Variants in LINGO2 observed in about 807,000 individuals in gnomAD.
LINGO2 encodes leucine rich repeat and Ig domain containing 2.
In LINGO2, 14 loss-of-function variants were observed where a neutral mutation model predicts 30.6. The observed-to-expected ratio is 0.46, with a 90% CI of 0.30 to 0.72. LINGO2 has a LOEUF of 0.72. LINGO2 is among the 30% of genes least tolerant of loss of function. LINGO2 has a pLI of 0.07. For missense variants in LINGO2, 729 were observed against 751.7 expected (o/e 0.97, Z 0.35); for synonymous variants, 317 against 288.5 (o/e 1.10, Z -1.00).
the LINGO2 span, among the ~76,000 whole-genome samples, chr9:29,014,081 T>C: frequency 6.6e-6 from 1 of 152,174 alleles, no homozygotes; most frequent in Non-Finnish European, 1.5e-5. Context: ...TTCTGTTACT[T>C]ATTCAATTAA....
intron 1 of LINGO2, among the ~76,000 whole-genome samples, chr9:28,551,782 T>A (rs1822297719): frequency 6.6e-6 from 1 of 152,072 alleles, no homozygotes; most frequent in Non-Finnish European, 1.5e-5. Flanking sequence ...AAGATACAAA[T>A]CAAGCCTTTT....
chr9:28,224,416 T>A (rs7047377), intron 4 of LINGO2, among the ~76,000 whole-genome samples: 39,739 of 152,148 alleles, frequency 0.26, 5,565 homozygotes, highest in Admixed American at 0.31. Flanking sequence ...GTACATGTAG[T>A]ATTTTGATAC....
intron 4 of LINGO2, among the ~76,000 whole-genome samples, chr9:28,180,596 C>A (rs575334566): frequency 6.6e-6 from 1 of 152,146 alleles, no homozygotes; most frequent in Admixed American, 6.6e-5. Flanking sequence ...TTTATCCTCA[C>A]TCAGGGATGA....
chr9:27,997,268 G>A (rs993141429), intron 5 of LINGO2, among the ~76,000 whole-genome samples: 5 of 152,218 alleles, frequency 3.3e-5, no homozygotes, highest in African/African-American at 9.6e-5. Context: ...GACTTAAGAT[G>A]TGCACGTGCT....
rs543091707 is a variant in LINGO2, at chr9:28,362,043, A to G, written c.-246+10793T>C. On this transcript the variant is annotated intron_variant, in intron 3 of 5. Transcript: ENST00000379992. ...GTCTGAATCTGAATTTCCTAGGTGC[A>G]TAATACTTGCTAAAACATACAGATT... is the stretch of plus-strand genomic sequence containing the variant. Among the ~76,000 whole-genome samples, 24 of 152,234 alleles carry G rather than the reference A, an allele frequency of 1.6e-4. 1 individual carries two copies. Among genetic ancestry groups the G allele is most frequent in the Non-Finnish European group, 2.5e-4 (17 of 68,050 alleles).
intron 1 of LINGO2, among the ~76,000 whole-genome samples, chr9:28,640,719 C>T (rs934031329): frequency 9.9e-5 from 15 of 152,010 alleles, no homozygotes; most frequent in East Asian, 9.7e-4. Context: ...TTCTAGTTAG[C>T]GATTCGTCTA....
intron 4 of LINGO2, among the ~76,000 whole-genome samples, chr9:28,042,734 A>AGAAC (rs1327894385): frequency 6.6e-6 from 1 of 152,182 alleles, no homozygotes; most frequent in Non-Finnish European, 1.5e-5. Flanking sequence ...CATGTTCTGC[A>AGAAC]ATCAATATCA....
the LINGO2 span, among the ~76,000 whole-genome samples, chr9:28,788,918 A>T: frequency 3.3e-5 from 5 of 152,204 alleles, no homozygotes; most frequent in Non-Finnish European, 7.3e-5. Context: ...GTTTGGTTAC[A>T]ACATGCATTG....
At chr9:28,518,629 G>A (rs546596268) in intron 1 of LINGO2, among the ~76,000 whole-genome samples, 11 of 152,176 alleles carry the variant, frequency 7.2e-5, no homozygotes, top group Non-Finnish European at 1.2e-4. Flanking sequence ...CTGCACAGAC[G>A]GGCCTTATTA....
intron 5 of LINGO2, among the ~76,000 whole-genome samples, chr9:27,975,294 CT>C (rs1820542026): frequency 6.6e-6 from 1 of 151,436 alleles, no homozygotes; most frequent in Admixed American, 6.6e-5. Flanking sequence ...AAGTATCTTT[CT>C]TTTTAAAAGT....
chr9:29,045,904 A>G, the LINGO2 span, among the ~76,000 whole-genome samples: 3 of 151,978 alleles, frequency 2.0e-5, no homozygotes, highest in Non-Finnish European at 2.9e-5. Context: ...TCTTGTGTCA[A>G]TTGTGAATGG....
the LINGO2 span, among the ~76,000 whole-genome samples, chr9:29,083,655 T>A: frequency 2.0e-5 from 3 of 147,216 alleles, no homozygotes; most frequent in Non-Finnish European, 3.0e-5. Flanking sequence ...AAAAAAAAAA[T>A]AGCTGGGATG....
chr9:28,661,229 A>C (rs1828571209), intron 1 of LINGO2, among the ~76,000 whole-genome samples: 1 of 152,142 alleles, frequency 6.6e-6, no homozygotes, highest in South Asian at 2.1e-4. Context: ...AAATCCTGCT[A>C]TCCATTCTGT....
chr9:28,832,978 TAA>T, the LINGO2 span, among the ~76,000 whole-genome samples: 920 of 151,228 alleles, frequency 6.1e-3, 10 homozygotes, highest in African/African-American at 0.02. Context: ...TTTTTTGATG[TAA>T]AAAAAAAAAT....
At chr9:28,333,026 A>T (rs1263460214) in intron 3 of LINGO2, among the ~76,000 whole-genome samples, 1 of 152,220 alleles carries the variant, frequency 6.6e-6, no homozygotes, top group Non-Finnish European at 1.5e-5. Context: ...AGAGATATTT[A>T]TCTTTAATTT....
At chr9:28,492,984 T>C (rs1190501787) in intron 1 of LINGO2, among the ~76,000 whole-genome samples, 1 of 152,104 alleles carries the variant, frequency 6.6e-6, no homozygotes. Flanking sequence ...GTACAAATAA[T>C]AGAAAACCCA....
the LINGO2 span, among the ~76,000 whole-genome samples, chr9:28,684,478 C>A: frequency 2.7e-5 from 4 of 146,554 alleles, no homozygotes; most frequent in Non-Finnish European, 6.0e-5. Flanking sequence ...CGTGAGCCAC[C>A]GCGCCCAGCC....
At chr9:29,051,285 G>C in the LINGO2 span, among the ~76,000 whole-genome samples, 3 of 152,192 alleles carry the variant, frequency 2.0e-5, no homozygotes, top group East Asian at 5.8e-4. Flanking sequence ...AATCTTCCCT[G>C]TTCTGCCTGT....
At chr9:28,684,428 A>G in the LINGO2 span, among the ~76,000 whole-genome samples, 2 of 150,398 alleles carry the variant, frequency 1.3e-5, no homozygotes, top group Non-Finnish European at 3.0e-5. Flanking sequence ...TGACCTCGTG[A>G]TCTGCCTGCC....
Sources: gnomAD v4.1 joint callset for allele counts (sites outside exome capture counted in the v4.1 genomes callset) on GRCh38, gnomAD v4.1.1 for gene constraint, MANE v1.5 for transcripts, NCBI Gene and HGNC (gene_info 2026-07-23, HGNC 2026-07-21) for gene names.